Variants in CPAMD8 observed in about 807,000 individuals in gnomAD.
CPAMD8 encodes C3 and PZP like alpha-2-macroglobulin domain containing 8.
A neutral mutation model predicts 224.7 loss-of-function variants in CPAMD8; 146 were observed. The ratio of observed to expected loss-of-function variants is 0.65; its 90% confidence interval spans 0.57 to 0.75. CPAMD8 has a LOEUF of 0.75. Ranked by LOEUF, CPAMD8 falls within the 30% of genes least tolerant of loss-of-function variation. The pLI, the probability that CPAMD8 is intolerant of heterozygous loss-of-function variation, is 0.00. For synonymous variants in CPAMD8, 966 were observed against 1,044.6 expected (o/e 0.92, Z 1.45); for missense variants, 2,301 against 2,537.5 (o/e 0.91, Z 2.00).
rs1490888349 is a variant in CPAMD8 at position 16,977,583 on chromosome 19, TCCGACATGCAA to T, written c.1586-54_1586-44del. The stretch of plus-strand genomic sequence containing the variant: ...AGAGAGAGGTGGTGAATTCTCCGCA[TCCGACATGCAA>T]CCTCAGCCATTCAGGCTCTGCCCCA... On this transcript the variant is annotated intron_variant, in intron 14 of 41. Coordinates refer to ENST00000443236, the MANE Select transcript of CPAMD8 (RefSeq NM_015692.5). 2.7e-6 allele frequency: 4 copies of T among 1,476,912 alleles called. No homozygotes were observed. The East Asian group carries it at 9.4e-5, about 35-fold the overall frequency. The allele number at this position is 1,476,912 out of a possible 1,614,324, so 91.5% of individuals were successfully genotyped here.
At chr19:17,017,415 T>C (rs188644667) in intron 3 of CPAMD8, among the ~76,000 whole-genome samples, 2 of 152,298 alleles carry the variant, frequency 1.3e-5, no homozygotes, top group Non-Finnish European at 2.9e-5. Context: ...CCCTGGTCCG[T>C]GGAAAAAACT....
chr19:16,898,757 CATGCTGTAGCATGGAT>C lies in CPAMD8; in HGVS notation c.4848+702_4848+717del, dbSNP rs1375906884. On this transcript the variant is annotated intron_variant, in intron 37 of 41. Coordinates refer to ENST00000443236, the MANE Select transcript of CPAMD8 (RefSeq NM_015692.5). This position sits in a 1 kb window ranked among gnomAD's most constrained non-coding sequence, Gnocchi z 4.2. ...CAGCATCATGTTTCTGAGGTTCATCCATGCTGTAGCATGGATCAATGCTTCGCTCCTTCCTACAGAT... is the reference window on the plus strand; with the variant it reads ...CAGCATCATGTTTCTGAGGTTCATCCCAATGCTTCGCTCCTTCCTACAGAT... Among the ~76,000 whole-genome samples the C allele has an allele frequency of 6.6e-6, 1 of 152,090 alleles. No individual in the cohort carries two copies. Among genetic ancestry groups the C allele is most frequent in the Non-Finnish European group, 1.5e-5 (1 of 68,014 alleles).
chr19:16,904,966 C>T (rs1253137063), intron 30 of CPAMD8, among the ~76,000 whole-genome samples: 2 of 152,248 alleles, frequency 1.3e-5, no homozygotes, highest in African/African-American at 4.8e-5. Flanking sequence ...TCTGGCCAGG[C>T]ACAGTGGCTC....
chr19:16,979,217 T>TATCC (rs368813862), intron 14 of CPAMD8, among the ~76,000 whole-genome samples: 9 of 146,462 alleles, frequency 6.1e-5, no homozygotes, highest in African/African-American at 7.8e-5. Context: ...GCCCACCCAC[T>TATCC]ATCCATCCAT....
chr19:16,917,595 G>T (rs1480573192), intron 27 of CPAMD8, among the ~76,000 whole-genome samples: 1 of 152,174 alleles, frequency 6.6e-6, no homozygotes, highest in Non-Finnish European at 1.5e-5. Flanking sequence ...AAAAAAATTA[G>T]CTGGGCATGG....
intron 18 of CPAMD8, among the ~76,000 whole-genome samples, chr19:16,970,238 C>CAAAAAAAAA (rs34399675): frequency 2.2e-5 from 2 of 92,668 alleles, no homozygotes; most frequent in Non-Finnish European, 2.1e-5. Flanking sequence ...GACTCTGTCT[C>CAAAAAAAAA]AAAAAAAAAA....
intron 23 of CPAMD8, among the ~76,000 whole-genome samples, chr19:16,935,834 A>C (rs1487021574): frequency 6.6e-6 from 1 of 152,186 alleles, no homozygotes; most frequent in Non-Finnish European, 1.5e-5. Flanking sequence ...ACTGTTTTTA[A>C]AAACTACCAA....
intron 7 of CPAMD8, among the ~76,000 whole-genome samples, chr19:17,005,244 C>T (rs2056454605): frequency 6.6e-6 from 1 of 152,154 alleles, no homozygotes; most frequent in African/African-American, 2.4e-5. Context: ...TCCCAGAGCA[C>T]TGAGGGGTGC....
chr19:16,925,401 G>A (rs1437781211), intron 25 of CPAMD8, 29 bp from the exon 26 acceptor site: 1 of 1,581,982 alleles, frequency 6.3e-7, no homozygotes, highest in Non-Finnish European at 8.7e-7. Flanking sequence ...GAGTTGAGTT[G>A]GGGGCTGTCC....
Position 16,926,910 on chromosome 19 carries a change from T to A in CPAMD8, c.3370+1099A>T, listed in dbSNP as rs374863192. On this transcript the variant is annotated intron_variant, in intron 25 of 41. Transcript: ENST00000443236. ...TTGTAAACTTGAAATTCCTCTGATC[T>A]GGCCACAACCACCTACCTGCCTGAG... 9.8e-5 allele frequency among the ~76,000 whole-genome samples: 15 copies of A among 152,302 alleles called. No homozygotes were observed. In the South Asian group the frequency reaches 1.0e-3, roughly 11 times the overall value.
At chr19:16,903,467 C>G in intron 34 of CPAMD8, 94 bp downstream of exon 34, 1 of 1,574,774 alleles carries the variant, frequency 6.4e-7, no homozygotes, top group South Asian at 1.1e-5. Flanking sequence ...AGTTCAGAAC[C>G]CTCTGGGGGT....
chr19:16,906,284 T>TCTCC (rs201143694), intron 30 of CPAMD8, among the ~76,000 whole-genome samples: 1 of 151,060 alleles, frequency 6.6e-6, no homozygotes, highest in Non-Finnish European at 1.5e-5. Context: ...CCTTTCTTCC[T>TCTCC]CTCCCTCCCT....
Position 16,896,520 on chromosome 19 carries a change from C to T in CPAMD8, c.5211G>A (p.Leu1737=), listed in dbSNP as rs1357863703. Residue 1737 remains leucine, a synonymous_variant, in exon 40 of 42, where the codon CTG becomes CTA. Coordinates refer to ENST00000443236, the MANE Select transcript of CPAMD8 (RefSeq NM_015692.5). The part of the protein sequence containing the change: ...DGVVYASACR[L]REAACRQAAP... Reference sequence around the variant, plus strand: ...CGGCCTGGCGGCAGGCGGCCTCCCGCAGGCGGCAGGCGCTGGCGTAGACCA... The same window carrying T: ...CGGCCTGGCGGCAGGCGGCCTCCCGTAGGCGGCAGGCGCTGGCGTAGACCA... The T allele has an allele frequency of 7.0e-7, 1 of 1,436,998 alleles. No individual in the cohort carries two copies. Among genetic ancestry groups the T allele is most frequent in the South Asian group, 1.5e-5 (1 of 68,308 alleles). The allele number at this position is 1,436,998 out of a possible 1,614,324, so 89.0% of individuals were successfully genotyped here. A position where few individuals can be genotyped will look rare whatever the true frequency, so the allele number is the denominator to read the frequency against.
chr19:17,001,987 G>A (rs1460282160), intron 9 of CPAMD8, among the ~76,000 whole-genome samples: 1 of 151,728 alleles, frequency 6.6e-6, no homozygotes, highest in East Asian at 2.0e-4. Context: ...GACACCCCAG[G>A]GAGGAGGCGC....
rs574873518 is a variant in CPAMD8 at position 16,971,165 on chromosome 19, T to C, written c.2071-132A>G. On this transcript the variant is annotated intron_variant, in intron 17 of 41. Coordinates refer to ENST00000443236, the MANE Select transcript of CPAMD8 (RefSeq NM_015692.5). ...TGTGGCAACCTTGGGGGCATCATTCTTTTTTTGCTTTTTTGGGTTTGTTTT... is the reference window on the plus strand; with the variant it reads ...TGTGGCAACCTTGGGGGCATCATTCCTTTTTTGCTTTTTTGGGTTTGTTTT... 7.1e-5 allele frequency: 53 copies of C among 748,672 alleles called. No individual in the cohort carries two copies. The East Asian group carries it at 1.5e-3, about 21-fold the overall frequency. 46.4% of individuals were successfully genotyped at this position (748,672 alleles called of 1,614,324 possible).
chr19:16,896,833 T>G, intron 39 of CPAMD8, 168 bp from the exon 40 acceptor site: 3 of 429,646 alleles, frequency 7.0e-6, no homozygotes, highest in Non-Finnish European at 1.2e-5. Context: ...CTTATGGAAT[T>G]TCACGCAGGT....
chr19:16,945,504 G>A (rs1026221304), intron 22 of CPAMD8, 45 bp downstream of exon 22: 1 of 1,598,264 alleles, frequency 6.3e-7, no homozygotes, highest in Non-Finnish European at 8.6e-7. Context: ...ATGGCTGAAG[G>A]AATGAGGCCC....
intron 3 of CPAMD8, among the ~76,000 whole-genome samples, chr19:17,018,889 CAG>C (rs1420320988): frequency 7.2e-6 from 1 of 137,940 alleles, no homozygotes; most frequent in East Asian, 2.1e-4. Context: ...GCCTGGGAGA[CAG>C]AGTGAGACTT....
At chr19:16,953,531 C>G (rs1202922623) in intron 19 of CPAMD8, among the ~76,000 whole-genome samples, 2 of 151,456 alleles carry the variant, frequency 1.3e-5, no homozygotes, top group Non-Finnish European at 2.9e-5. Context: ...AAGACCCTAT[C>G]TTTACAAAAA....
Sources: allele counts gnomAD v4.1 joint callset (sites outside exome capture counted in the v4.1 genomes callset), GRCh38; gene constraint gnomAD v4.1.1; non-coding constraint Gnocchi (gnomAD v3.1); transcripts MANE v1.5; gene names NCBI Gene and HGNC (gene_info 2026-07-23, HGNC 2026-07-21).